Variants in CCT7 observed in about 807,000 individuals in gnomAD.
CCT7 encodes the protein T-complex protein 1 subunit eta.
Under a neutral mutation model 56.6 loss-of-function variants are expected in CCT7, and 16 were observed. The observed-to-expected ratio is 0.28, with a 90% CI of 0.19 to 0.43. The LOEUF (loss-of-function observed/expected upper bound fraction) is 0.43. Among genes scored for constraint, CCT7 ranks in the 20% least tolerant of loss-of-function variants. The pLI, the probability that CCT7 is intolerant of heterozygous loss-of-function variation, is 1.00. For missense variants in CCT7, 519 were observed against 685.6 expected (o/e 0.76, Z 2.71); for synonymous variants, 262 against 254.8 (o/e 1.03, Z -0.27).
At chr2:73,235,891 A>G (rs190420051) in intron 1 of CCT7, among the ~76,000 whole-genome samples, 6 of 152,334 alleles carry the variant, frequency 3.9e-5, no homozygotes, top group Admixed American at 3.3e-4. Flanking sequence ...CTCTGCCGTG[A>G]TAAAACTTCA....
intron 3 of CCT7, among the ~76,000 whole-genome samples, chr2:73,241,442 C>T (rs754352021): frequency 6.6e-6 from 1 of 151,524 alleles, no homozygotes; most frequent in African/African-American, 2.4e-5. Flanking sequence ...ACACAGTGAA[C>T]ATACATGAAG....
At chr2:73,251,799 C>T (rs1156456881) in intron 11 of CCT7, among the ~76,000 whole-genome samples, 2 of 152,106 alleles carry the variant, frequency 1.3e-5, no homozygotes, top group East Asian at 3.9e-4. Flanking sequence ...ATTAGCCAGG[C>T]GTGGTGGTGG....
Position 73,244,768 on chromosome 2 carries a change from A to C in CCT7, c.618+53A>C, listed in dbSNP as rs535845087. On this transcript the variant is annotated intron_variant, in intron 6 of 11. Transcript: ENST00000258091. ...GCTCTTGCTTTCATATTGACCCTTCAGACAGCTTCATATGGCAGAGGGGTA... is the reference window on the plus strand; with the variant it reads ...GCTCTTGCTTTCATATTGACCCTTCCGACAGCTTCATATGGCAGAGGGGTA... 4 of 1,436,372 alleles carry C rather than the reference A, an allele frequency of 2.8e-6. No individual in the cohort carries two copies. The African/African-American group carries it at 5.6e-5, about 20-fold the overall frequency. The allele number at this position is 1,436,372 out of a possible 1,614,324, so 89.0% of individuals were successfully genotyped here.
intron 4 of CCT7, 33 bp downstream of exon 4, chr2:73,243,162 C>G (rs949123762): frequency 1.2e-6 from 2 of 1,602,788 alleles, no homozygotes; most frequent in African/African-American, 2.7e-5. Context: ...TCTCTTGGGC[C>G]TGGACACCTT....
chr2:73,249,844 G>A lies in CCT7; in HGVS notation c.998G>A (p.Ser333Asn). ...MMACGGSIQTSVNALSADVLG... is the reference protein window; with the variant it reads ...MMACGGSIQTNVNALSADVLG... ...GCCTGTGGAGGCTCAATCCAGACCA[G>A]TGTGAATGCTCTGTCAGCAGATGTG... The change falls in exon 9 of 12, where the codon AGT becomes AAT. Residue 333 changes from serine (S) to asparagine (N), a missense_variant. Around this residue, in one of 3 missense-constraint regions of CCT7, gnomAD observed 237 missense variants for 300.8 expected, o/e 0.79. Coordinates refer to ENST00000258091, the MANE Select transcript of CCT7 (RefSeq NM_006429.4). 1.2e-6 allele frequency: 2 copies of A among 1,613,724 alleles called. No individual in the cohort carries two copies. The highest frequency in any genetic ancestry group is 1.7e-6 in the Non-Finnish European group (2 of 1,179,596).
intron 2 of CCT7, 180 bp from the exon 3 acceptor site, chr2:73,240,257 A>ATT (rs1490754461): frequency 9.4e-6 from 4 of 424,964 alleles, no homozygotes; most frequent in Non-Finnish European, 1.7e-5. Flanking sequence ...AAAGCTTGTG[A>ATT]TTTTAGACCC....
chr2:73,238,728 G>T (rs541724140), intron 1 of CCT7, among the ~76,000 whole-genome samples: 1 of 152,174 alleles, frequency 6.6e-6, no homozygotes, highest in Non-Finnish European at 1.5e-5. Flanking sequence ...CTAGTTCGTG[G>T]GCTTATCTCT....
At chr2:73,234,789 G>A (rs572999452) in intron 1 of CCT7, among the ~76,000 whole-genome samples, 1 of 152,374 alleles carries the variant, frequency 6.6e-6, no homozygotes, top group South Asian at 2.1e-4. Flanking sequence ...GGGCTGTAAA[G>A]ACGTGTGCTT....
chr2:73,251,171 A>G (rs957492031), intron 10 of CCT7, 55 bp from the exon 11 acceptor site: 3 of 1,538,330 alleles, frequency 2.0e-6, no homozygotes, highest in Non-Finnish European at 2.7e-6. Context: ...GTGGCCCAGC[A>G]TGGAAGCTTG....
rs781645297 is a variant in CCT7, at chr2:73,249,044, G to A, written c.837G>A (p.Glu279=). ...GGAACATTCTCTATGACAAGTTAGA[G>A]AAGATCCATCATTCTGGAGCCAAAG... The part of the protein sequence containing the change: ...AEWNILYDKL[E]KIHHSGAKVV... Residue 279 remains glutamate (E), a synonymous_variant, in exon 8 of 12, where the codon GAG becomes GAA. Coordinates refer to ENST00000258091, the MANE Select transcript of CCT7 (RefSeq NM_006429.4). The A allele has an allele frequency of 1.9e-6, 3 of 1,614,094 alleles. No individual in the cohort carries two copies. Among genetic ancestry groups the A allele is most frequent in the Admixed American group, 3.3e-5 (2 of 60,030 alleles).
intron 3 of CCT7, among the ~76,000 whole-genome samples, chr2:73,242,495 G>C (rs1211566957): frequency 1.3e-5 from 2 of 151,980 alleles, no homozygotes; most frequent in African/African-American, 4.8e-5. Context: ...GTCCAGGCTG[G>C]TCTTGAACTC....
chr2:73,245,822 G>GTTA (rs1558567001), intron 6 of CCT7, among the ~76,000 whole-genome samples: 2 of 152,172 alleles, frequency 1.3e-5, no homozygotes, highest in East Asian at 3.8e-4. Flanking sequence ...TTCTCTGTAT[G>GTTA]TAATAAAGCT....
chr2:73,244,477 G>A (rs776922332), intron 5 of CCT7, 67 bp from the exon 6 acceptor site: 68 of 1,391,936 alleles, frequency 4.9e-5, no homozygotes, highest in Non-Finnish European at 6.2e-5. Flanking sequence ...CCTCCACACT[G>A]TAGTAGAATC....
chr2:73,240,656 A>C, intron 3 of CCT7, 113 bp downstream of exon 3: 3 of 510,476 alleles, frequency 5.9e-6, no homozygotes, highest in Non-Finnish European at 1.0e-5. Context: ...TGTACAAGTA[A>C]TACATGCTTA....
intron 1 of CCT7, among the ~76,000 whole-genome samples, chr2:73,235,142 A>G (rs571321242): frequency 1.3e-5 from 2 of 152,216 alleles, no homozygotes; most frequent in Admixed American, 6.5e-5. Context: ...CGTTTTCTTG[A>G]AATTTGGGGC....
chr2:73,252,345 AT>A (rs1687629782), intron 11 of CCT7, among the ~76,000 whole-genome samples: 1 of 148,150 alleles, frequency 6.7e-6, no homozygotes, highest in Non-Finnish European at 1.5e-5. Context: ...ATATATATAT[AT>A]ATATAGTCCT....
intron 6 of CCT7, among the ~76,000 whole-genome samples, chr2:73,245,375 A>G (rs1687291008): frequency 6.6e-6 from 1 of 152,248 alleles, no homozygotes; most frequent in Admixed American, 6.5e-5. Context: ...AGCACCCTCC[A>G]GTAGAGCTTT....
intron 8 of CCT7, among the ~76,000 whole-genome samples, chr2:73,249,414 C>T (rs965648117): frequency 1.3e-5 from 2 of 152,116 alleles, no homozygotes; most frequent in Non-Finnish European, 2.9e-5. Flanking sequence ...GAGAACCTAG[C>T]AGTAATGCTA....
intron 1 of CCT7, among the ~76,000 whole-genome samples, chr2:73,238,509 T>C (rs1017209385): frequency 1.7e-4 from 26 of 152,390 alleles, no homozygotes; most frequent in South Asian, 8.3e-4. Context: ...CTCTGTGCTT[T>C]CCTGTGCCTT....
Sources: gnomAD v4.1 joint callset for allele counts (sites outside exome capture counted in the v4.1 genomes callset) on GRCh38, gnomAD v4.1.1 for gene constraint, gnomAD v4.1.1 regional missense constraint, MANE v1.5 for transcripts, NCBI Gene and HGNC (gene_info 2026-07-23, HGNC 2026-07-21) for gene names.